Variants in COA1 observed in about 807,000 individuals in gnomAD.
COA1 encodes the protein cytochrome c oxidase assembly factor 1.
Under a neutral mutation model 16.0 loss-of-function variants are expected in COA1, and 13 were observed. The ratio of observed to expected loss-of-function variants is 0.81; its 90% confidence interval spans 0.53 to 1.29. The LOEUF (loss-of-function observed/expected upper bound fraction) is 1.29, where lower values mean the gene tolerates loss of function less well. COA1 is among the 50% of genes most tolerant of loss of function. COA1 has a pLI of 0.00. For synonymous variants in COA1, 65 were observed against 65.7 expected (o/e 0.99, Z 0.05); for missense variants, 179 against 177.0 (o/e 1.01, Z -0.06).
intron 1 of COA1, among the ~76,000 whole-genome samples, chr7:43,713,464 G>A (rs1283115711): frequency 1.3e-5 from 2 of 151,972 alleles, no homozygotes; most frequent in East Asian, 1.9e-4. Flanking sequence ...TCATTTGAAC[G>A]ACCTCTCCCT....
chr7:43,688,255 A>G (rs945095194), intron 1 of COA1, among the ~76,000 whole-genome samples: 31 of 152,204 alleles, frequency 2.0e-4, no homozygotes, highest in Middle Eastern at 3.2e-3. Flanking sequence ...ATGACATAAG[A>G]CTAAGTCATC....
chr7:43,614,752 G>A (rs923618189), intron 6 of COA1, among the ~76,000 whole-genome samples: 1 of 152,026 alleles, frequency 6.6e-6, no homozygotes, highest in African/African-American at 2.4e-5. Context: ...CTCTCACATT[G>A]GTGTATCATA....
intron 1 of COA1, among the ~76,000 whole-genome samples, chr7:43,696,111 A>G (rs1184907641): frequency 3.9e-5 from 6 of 152,356 alleles, no homozygotes; most frequent in East Asian, 3.9e-4. Flanking sequence ...GAGTGCTGGG[A>G]TTAAGGTATG....
chr7:43,641,450 C>G (rs1172519010), intron 4 of COA1: 3 of 151,976 alleles, frequency 2.0e-5, no homozygotes, highest in African/African-American at 7.3e-5. Context: ...GGAAACAGAG[C>G]AAAATCCAAT....
intron 6 of COA1, among the ~76,000 whole-genome samples, chr7:43,619,944 G>T (rs539747029): frequency 1.6e-4 from 24 of 152,358 alleles, no homozygotes; most frequent in African/African-American, 5.5e-4. Context: ...AGAGCTAAGA[G>T]AATTTGAAGG....
intron 1 of COA1, among the ~76,000 whole-genome samples, chr7:43,686,174 A>C (rs188442715): frequency 1.1e-3 from 172 of 152,370 alleles, no homozygotes; most frequent in African/African-American, 3.9e-3. Context: ...ATTTTGAATA[A>C]AATTTCAATT....
intron 1 of COA1, among the ~76,000 whole-genome samples, chr7:43,656,358 TCAAA>T (rs1460718687): frequency 2.6e-5 from 4 of 152,176 alleles, no homozygotes; most frequent in African/African-American, 9.7e-5. Context: ...CTTGGAACAT[TCAAA>T]CAAACACAAG....
chr7:43,696,462 A>C (rs2094529795), intron 1 of COA1, among the ~76,000 whole-genome samples: 1 of 152,198 alleles, frequency 6.6e-6, no homozygotes, highest in African/African-American at 2.4e-5. Flanking sequence ...AAGCAAATTA[A>C]CCAGAAACTT....
chr7:43,659,268 T>C (rs1426551483), intron 1 of COA1: 1 of 152,214 alleles, frequency 6.6e-6, no homozygotes, highest in Non-Finnish European at 1.5e-5. Context: ...TCTGAATTTA[T>C]CAATATTATC....
chr7:43,650,947 A>G (rs2090642014), intron 1 of COA1, among the ~76,000 whole-genome samples: 1 of 151,906 alleles, frequency 6.6e-6, no homozygotes, highest in South Asian at 2.1e-4. Context: ...TTGGGGTGTG[A>G]GTGGTGGGCA....
In COA1 at chr7:43,641,761, T is replaced by G. The variant is rs1321608540; in HGVS notation, c.265-1112A>C. Reference sequence around the variant, plus strand: ...CTGCCAGGTGCTGCCATGCCCATGCTCAGGGAGTCAGCCTGAGAGCCCGTA... The same window carrying G: ...CTGCCAGGTGCTGCCATGCCCATGCGCAGGGAGTCAGCCTGAGAGCCCGTA... On this transcript the variant is annotated intron_variant, in intron 4 of 5. Coordinates refer to ENST00000223336, the MANE Select transcript of COA1 (RefSeq NM_018224.4). 4.6e-5 allele frequency: 7 copies of G among 152,038 alleles called. No individual in the cohort carries two copies. The East Asian group carries it at 1.3e-3, about 29-fold the overall frequency. 9.4% of individuals were successfully genotyped at this position (152,038 alleles called of 1,614,324 possible). A position where few individuals can be genotyped will look rare whatever the true frequency, so the allele number is the denominator to read the frequency against.
intron 1 of COA1, among the ~76,000 whole-genome samples, chr7:43,691,283 AAGAAAGAAAGAAAG>A (rs1563381628): frequency 3.2e-4 from 17 of 53,318 alleles, no homozygotes; most frequent in African/African-American, 9.4e-4. Context: ...GAAAGAAAGA[AAGAAAGAAAGAAAG>A]AAAGAAAGAA....
intron 1 of COA1, chr7:43,650,715 G>A (rs1196662802): frequency 6.6e-6 from 1 of 150,622 alleles, no homozygotes; most frequent in Non-Finnish European, 1.5e-5. Flanking sequence ...CAAACATCCT[G>A]TATTAAAAAC....
At chr7:43,686,768 T>TGTC (rs2094054518) in intron 1 of COA1, among the ~76,000 whole-genome samples, 1 of 152,224 alleles carries the variant, frequency 6.6e-6, no homozygotes, top group Non-Finnish European at 1.5e-5. Flanking sequence ...GGCACAAAGC[T>TGTC]GTCAATTCAG....
intron 3 of COA1, chr7:43,646,687 C>G (rs2089402076): frequency 4.4e-6 from 2 of 451,910 alleles, no homozygotes; most frequent in Admixed American, 4.7e-5. Flanking sequence ...AAGAGGAGGC[C>G]AAATTATTCA....
chr7:43,636,623 T>G (rs1022094892), downstream of COA1, among the ~76,000 whole-genome samples: 1 of 152,222 alleles, frequency 6.6e-6, no homozygotes, highest in African/African-American at 2.4e-5. Flanking sequence ...CTGGCTGTTT[T>G]GTGTATATGT....
intron 6 of COA1, chr7:43,623,332 A>G (rs2084120086): frequency 2.3e-6 from 1 of 431,226 alleles, no homozygotes; most frequent in East Asian, 4.4e-5. Flanking sequence ...AAATATTTAA[A>G]TATTTTGTAA....
At chr7:43,619,465 C>A in intron 6 of COA1, 3 of 1,178,498 alleles carry the variant, frequency 2.5e-6, no homozygotes, top group Non-Finnish European at 3.6e-6. Flanking sequence ...AAAAATATTT[C>A]TTTAACAAAT....
chr7:43,648,704 T>C, intron 1 of COA1, 52 bp from the exon 2 acceptor site: 1 of 1,366,462 alleles, frequency 7.3e-7, no homozygotes, highest in South Asian at 1.2e-5. Flanking sequence ...AGCCCAGTTC[T>C]CTCTAGTCTC....
Sources: allele counts gnomAD v4.1 joint callset (sites outside exome capture counted in the v4.1 genomes callset), GRCh38; gene constraint gnomAD v4.1.1; transcripts MANE v1.5; gene names NCBI Gene and HGNC (gene_info 2026-07-23, HGNC 2026-07-21).